ANO5: variants seen among roughly 807,000 people sequenced by gnomAD.
ANO5 encodes anoctamin 5.
A neutral mutation model predicts 121.0 loss-of-function variants in ANO5; 109 were observed. That is an observed-to-expected ratio of 0.90 (90% CI 0.77 to 1.06). The LOEUF (loss-of-function observed/expected upper bound fraction) is 1.06. Ranked by LOEUF, ANO5 falls within the 50% of genes least tolerant of loss-of-function variation. The pLI, the probability that ANO5 is intolerant of heterozygous loss-of-function variation, is 0.00. For missense variants in ANO5, 1,064 were observed against 1,078.5 expected (o/e 0.99, Z 0.19); for synonymous variants, 406 against 359.9 (o/e 1.13, Z -1.45).
chr11:22,227,451 AC>A lies in ANO5; in HGVS notation c.515del (p.Pro172LeufsTer2). 1 of 1,613,604 alleles carries A rather than the reference AC, an allele frequency of 6.2e-7. No individual in the cohort carries two copies. Among genetic ancestry groups the A allele is most frequent in the East Asian group, 2.2e-5 (1 of 44,830 alleles). On this transcript the variant is annotated frameshift_variant, in exon 7 of 22. Transcript: ENST00000324559. LOFTEE classifies it high-confidence loss of function. ...ACACTCCTATAAGCTATGTGCTTGGACCTGTAAGACTCCCACTGAGTGTGAA... is the reference window on the plus strand; with the variant it reads ...ACACTCCTATAAGCTATGTGCTTGGACTGTAAGACTCCCACTGAGTGTGAA... The part of the protein sequence containing the change: ...KHTPISYVLG[P>X]VRLPLSVKYP...
At chr11:22,197,934 A>G (rs1228995477) in intron 1 of ANO5, among the ~76,000 whole-genome samples, 1 of 152,224 alleles carries the variant, frequency 6.6e-6, no homozygotes, top group Non-Finnish European at 1.5e-5. Context: ...CTCTTCAGTC[A>G]GGCCTCAGTT....
At chr11:22,212,636 G>A (rs2133557072) in intron 3 of ANO5, among the ~76,000 whole-genome samples, 1 of 151,962 alleles carries the variant, frequency 6.6e-6, no homozygotes, top group African/African-American at 2.4e-5. Flanking sequence ...CCTGTCTCAT[G>A]GTACTGAGAT....
rs985727586 is a variant in ANO5 at position 22,277,734 on chromosome 11, C to A, written c.2520+1535C>A. On this transcript the variant is annotated intron_variant, in intron 21 of 21. Transcript: ENST00000324559. ...CAGCCAGTAAATTACTTCCGGAATTCTTTTGTTTTAATTTATTTATTATTT... is the reference window on the plus strand; with the variant it reads ...CAGCCAGTAAATTACTTCCGGAATTATTTTGTTTTAATTTATTTATTATTT... The A allele has an allele frequency of 4.6e-5, 7 of 151,474 alleles. No homozygotes were observed. The East Asian group carries it at 1.4e-3, about 29-fold the overall frequency. 9.4% of individuals were successfully genotyped at this position (151,474 alleles called of 1,614,324 possible).
At chr11:22,276,646 C>G (rs1854863171) in intron 21 of ANO5, among the ~76,000 whole-genome samples, 1 of 151,628 alleles carries the variant, frequency 6.6e-6, no homozygotes, top group Non-Finnish European at 1.5e-5. Flanking sequence ...GTCTCAATGC[C>G]AAATGTGCCT....
chr11:22,196,805 G>A (rs4922979), intron 1 of ANO5, among the ~76,000 whole-genome samples: 125,690 of 152,184 alleles, frequency 0.83, 52,413 homozygotes, highest in African/African-American at 0.93. Flanking sequence ...GGAGGCGTAC[G>A]TTGCAGTAAG....
intron 13 of ANO5, among the ~76,000 whole-genome samples, chr11:22,256,736 T>C (rs1854012170): frequency 8.2e-6 from 1 of 121,638 alleles, no homozygotes; most frequent in Non-Finnish European, 1.5e-5. Context: ...TTTTTTTTTG[T>C]TTTGTTTTGT....
chr11:22,206,634 C>G (rs1852131084), intron 2 of ANO5, among the ~76,000 whole-genome samples: 1 of 151,948 alleles, frequency 6.6e-6, no homozygotes, highest in Non-Finnish European at 1.5e-5. Context: ...TTTTGAAAAA[C>G]AATTGGTATA....
chr11:22,245,312 G>C (rs1853580451), intron 9 of ANO5, among the ~76,000 whole-genome samples: 1 of 152,118 alleles, frequency 6.6e-6, no homozygotes. Flanking sequence ...TCGGGATCCT[G>C]GGGGAGACCC....
At chr11:22,206,067 A>G (rs1328040880) in intron 2 of ANO5, among the ~76,000 whole-genome samples, 1 of 152,112 alleles carries the variant, frequency 6.6e-6, no homozygotes, top group Non-Finnish European at 1.5e-5. Flanking sequence ...ATTTTATACA[A>G]TCTCTTCCAG....
intron 7 of ANO5, 79 bp downstream of exon 7, chr11:22,227,665 GTC>G: frequency 6.5e-7 from 1 of 1,538,674 alleles, no homozygotes; most frequent in East Asian, 2.3e-5. Flanking sequence ...ATGTGCAGAT[GTC>G]GTACCATTTC....
intron 18 of ANO5, among the ~76,000 whole-genome samples, chr11:22,271,679 G>T (rs1854617228): frequency 6.6e-6 from 1 of 152,094 alleles, no homozygotes; most frequent in Non-Finnish European, 1.5e-5. Context: ...AATTTATTCT[G>T]AAAACTATAT....
At position 22,279,742 on chromosome 11, in the gene ANO5, C is replaced by T. The variant is rs765305152; in HGVS notation, c.2719C>T (p.Gln907Ter). ...KHVMIEENKA[Q>*]LAKSTL The stretch of plus-strand genomic sequence containing the variant: ...TGTCATGATTGAGGAAAACAAAGCA[C>T]AGCTGGCTAAATCAACACTCTAATC... Residue 907 changes from glutamine to a stop codon, truncating the protein, a stop_gained, in exon 22 of 22, where the codon CAG (glutamine) becomes TAG (stop). Coordinates refer to ENST00000324559, the MANE Select transcript of ANO5 (RefSeq NM_213599.3). LOFTEE classifies it low-confidence loss of function (END_TRUNC). The T allele has an allele frequency of 6.2e-7, 1 of 1,612,278 alleles. No homozygotes were observed. Among genetic ancestry groups the T allele is most frequent in the African/African-American group, 1.3e-5 (1 of 74,856 alleles).
upstream of ANO5, among the ~76,000 whole-genome samples, chr11:22,192,744 G>A (rs1010579035): frequency 1.3e-5 from 2 of 152,214 alleles, no homozygotes; most frequent in Non-Finnish European, 2.9e-5. Context: ...GCAGCCCTGG[G>A]GAACCAGGAT....
intron 1 of ANO5, among the ~76,000 whole-genome samples, chr11:22,195,410 G>T: frequency 6.6e-6 from 1 of 151,870 alleles, no homozygotes; most frequent in African/African-American, 2.4e-5. Context: ...GTCAGTTGAA[G>T]CATACCCCCC....
rs150652958 is a variant in ANO5, at chr11:22,227,417, G to A, written c.479G>A (p.Arg160His). The stretch of plus-strand genomic sequence containing the variant: ...CCTATTAAGGAGAGTGATATTCCCC[G>A]CCCTAAGCACACTCCTATAAGCTAT... ...KMPIKESDIPRPKHTPISYVL... is the reference protein window; with the variant it reads ...KMPIKESDIPHPKHTPISYVL... The change falls in exon 7 of 22, where the codon CGC becomes CAC. Residue 160 changes from arginine (R) to histidine (H), a missense_variant. Arg to His is a conservative substitution (Grantham distance 29, BLOSUM62 0). Transcript: ENST00000324559. 7.1e-5 allele frequency: 115 copies of A among 1,613,262 alleles called. No homozygotes were observed. The Middle Eastern group carries it at 1.3e-3, about 18-fold the overall frequency.
intron 15 of ANO5, 121 bp downstream of exon 15, chr11:22,259,862 T>C: frequency 9.9e-7 from 1 of 1,007,804 alleles, no homozygotes; most frequent in Non-Finnish European, 1.5e-6. Context: ...GCAGTTTTTC[T>C]CTATAAATAG....
chr11:22,218,151 A>C (rs1852522182), intron 3 of ANO5, 95 bp from the exon 4 acceptor site: 1 of 1,374,096 alleles, frequency 7.3e-7, no homozygotes, highest in African/African-American at 1.4e-5. Flanking sequence ...TTATAAAATG[A>C]TCATACCAAG....
intron 1 of ANO5, among the ~76,000 whole-genome samples, chr11:22,195,211 ATTAG>A (rs1450657352): frequency 6.6e-6 from 1 of 152,158 alleles, no homozygotes; most frequent in Non-Finnish European, 1.5e-5. Context: ...TCATATACTT[ATTAG>A]TTATTCACGT....
chr11:22,220,349 C>T (rs1405952192), intron 4 of ANO5, among the ~76,000 whole-genome samples: 3 of 151,954 alleles, frequency 2.0e-5, no homozygotes, highest in African/African-American at 7.2e-5. Flanking sequence ...ATCAGTCAAA[C>T]ATGAAATCTC....
Sources: allele counts gnomAD v4.1 joint callset (sites outside exome capture counted in the v4.1 genomes callset), GRCh38; gene constraint gnomAD v4.1.1; transcripts MANE v1.5; gene names NCBI Gene and HGNC (gene_info 2026-07-23, HGNC 2026-07-21).